Variants in FBXO11 observed in about 807,000 individuals in gnomAD.
The protein encoded by FBXO11 is F-box only protein 11.
In FBXO11, 13 loss-of-function variants were observed where a neutral mutation model predicts 117.0. That is an observed-to-expected ratio of 0.11 (90% CI 0.07 to 0.18). The LOEUF (loss-of-function observed/expected upper bound fraction) is 0.18. FBXO11 is among the 10% of genes least tolerant of loss of function. The pLI is 1.00. For synonymous variants in FBXO11, 490 were observed against 380.5 expected, an observed-to-expected ratio of 1.29 and a Z score of -3.35; for missense variants, 767 against 1,164.4, an observed-to-expected ratio of 0.66 and a Z score of 4.97.
chr2:47,838,900 T>C lies in FBXO11; in HGVS notation c.546A>G (p.Val182=). The C allele has an allele frequency of 6.2e-7, 1 of 1,614,100 alleles. No individual in the cohort carries two copies. The highest frequency in any genetic ancestry group is 1.1e-5 in the South Asian group (1 of 91,080). ...LEQDLCRAAC[V]CKRFSELAND... is the part of the protein sequence containing the mutation. The stretch of plus-strand genomic sequence containing the variant: ...TAGCAAGTTCACTGAAGCGTTTACA[T>C]ACACAAGCTGCTCTACAAAGATCCT... The change falls in exon 4 of 23, where the codon GTA becomes GTG. Residue 182 remains valine, a synonymous_variant. Coordinates refer to ENST00000403359, the MANE Select transcript of FBXO11 (RefSeq NM_001190274.2).
Position 47,890,649 on chromosome 2 carries a change from C to T in FBXO11, c.232+14840G>A, listed in dbSNP as rs555484329. Among the ~76,000 whole-genome samples the T allele has an allele frequency of 1.4e-4, 21 of 151,962 alleles. No homozygotes were observed. The South Asian group carries it at 4.4e-3, about 32-fold the overall frequency. ...CAAAACCCCATCTCTACTAAAAATA[C>T]AAAAAGTCAGCTGGACATGGTGGCA... On this transcript the variant is annotated intron_variant, in intron 1 of 22. Transcript: ENST00000403359.
intron 1 of FBXO11, among the ~76,000 whole-genome samples, chr2:47,873,266 C>T (rs547039849): frequency 2.6e-5 from 4 of 152,206 alleles, no homozygotes; most frequent in Admixed American, 6.5e-5. Flanking sequence ...GAAGGCCCTT[C>T]CCTTATCTGT....
chr2:47,831,088 T>G (rs923718097), intron 11 of FBXO11, among the ~76,000 whole-genome samples: 2 of 150,220 alleles, frequency 1.3e-5, no homozygotes, highest in Admixed American at 1.3e-4. Flanking sequence ...TGTGAGCCAC[T>G]GCACCCGGCC....
chr2:47,875,270 TTTA>T (rs1675914762), intron 1 of FBXO11, among the ~76,000 whole-genome samples: 1 of 152,180 alleles, frequency 6.6e-6, no homozygotes, highest in Admixed American at 6.5e-5. Context: ...TTTTAATTAT[TTTA>T]AATATACATA....
At chr2:47,836,212 C>T (rs1672550844) in intron 4 of FBXO11, among the ~76,000 whole-genome samples, 1 of 152,102 alleles carries the variant, frequency 6.6e-6, no homozygotes, top group Admixed American at 6.6e-5. Flanking sequence ...TCTTGGCTCA[C>T]TGCAACCTCC....
At chr2:47,829,092 G>A (rs2047681) in intron 11 of FBXO11, among the ~76,000 whole-genome samples, 132,095 of 151,948 alleles carry the variant, frequency 0.87, 57,647 homozygotes, top group East Asian at 1. Context: ...GCAGTGTTTC[G>A]CAGTGTTGGC....
intron 1 of FBXO11, among the ~76,000 whole-genome samples, chr2:47,870,243 A>AC (rs1248947912): frequency 1.3e-5 from 2 of 152,122 alleles, no homozygotes; most frequent in Non-Finnish European, 2.9e-5. Context: ...ATTGCTACTT[A>AC]CCATCTCATT....
intron 1 of FBXO11, among the ~76,000 whole-genome samples, chr2:47,874,167 T>C (rs902864161): frequency 3.9e-5 from 6 of 152,142 alleles, no homozygotes; most frequent in South Asian, 4.1e-4. Context: ...TGAGCAGAGA[T>C]TGCACCACTG....
At chr2:47,859,502 G>C (rs1465191717) in intron 1 of FBXO11, among the ~76,000 whole-genome samples, 2 of 152,216 alleles carry the variant, frequency 1.3e-5, no homozygotes, top group South Asian at 2.1e-4. Context: ...AAAGTAACAG[G>C]CTCTAGATGA....
In FBXO11 at chr2:47,807,974, G is replaced by C. The variant is rs1385919520; in HGVS notation, c.*144C>G. 9 of 728,170 alleles carry C rather than the reference G, an allele frequency of 1.2e-5. No homozygotes were observed. Among genetic ancestry groups the C allele is most frequent in the Admixed American group, 5.1e-5 (2 of 38,986 alleles). The allele number at this position is 728,170 out of a possible 1,614,324, so 45.1% of individuals were successfully genotyped here. A position where few individuals can be genotyped will look rare whatever the true frequency, so the allele number is the denominator to read the frequency against. Reference sequence around the variant, plus strand: ...TGCCACTTTCTTTTTGGTAGCTTGAGCTTCATAGTGTCAACTGACCTTGTG... The same window carrying C: ...TGCCACTTTCTTTTTGGTAGCTTGACCTTCATAGTGTCAACTGACCTTGTG... On this transcript the variant is annotated 3_prime_UTR_variant, in exon 23 of 23. Transcript: ENST00000403359.
intron 1 of FBXO11, among the ~76,000 whole-genome samples, chr2:47,843,547 G>C (rs1673173486): frequency 6.6e-6 from 1 of 151,264 alleles, no homozygotes; most frequent in African/African-American, 2.4e-5. Flanking sequence ...TCTTCATTAT[G>C]TAATTAATGG....
At position 47,855,508 on chromosome 2, in the gene FBXO11, G is replaced by C. The variant is rs77623067; in HGVS notation, c.233-15739C>G. Reference sequence around the variant, plus strand: ...GGATGGACACCATCAGTGTACATAAGAAATTTCAACAGATTTCTGGAACAC... The same window carrying C: ...GGATGGACACCATCAGTGTACATAACAAATTTCAACAGATTTCTGGAACAC... On this transcript the variant is annotated intron_variant, in intron 1 of 22. Coordinates refer to ENST00000403359, the MANE Select transcript of FBXO11 (RefSeq NM_001190274.2). Among the ~76,000 whole-genome samples the C allele has an allele frequency of 7.3e-3, 1,106 of 152,250 alleles. 11 individuals carry two copies. The highest frequency in any genetic ancestry group is 0.025 in the African/African-American group (1,056 of 41,548).
chr2:47,844,194 T>G (rs1213948335), intron 1 of FBXO11, among the ~76,000 whole-genome samples: 3 of 152,238 alleles, frequency 2.0e-5, no homozygotes, highest in African/African-American at 7.2e-5. Context: ...GTTTTACTGT[T>G]TCTTTTTCAC....
rs1463218236 is a variant in FBXO11, at chr2:47,906,417, C to T, written c.-697G>A. 3.9e-5 allele frequency among the ~76,000 whole-genome samples: 6 copies of T among 152,178 alleles called. No homozygotes were observed. The highest frequency in any genetic ancestry group is 3.3e-4 in the Admixed American group (5 of 15,290). On this transcript the variant is annotated 5_prime_UTR_variant, in exon 1 of 23. Transcript: ENST00000403359. Reference sequence around the variant, plus strand: ...CTTAAAGGAACCTTTCCTCCTCCTCCTCGTCAGCCCTGTCGCCGCTGCTTC... The same window carrying T: ...CTTAAAGGAACCTTTCCTCCTCCTCTTCGTCAGCCCTGTCGCCGCTGCTTC...
At chr2:47,808,471 A>C (rs749879099) in intron 21 of FBXO11, 44 bp from the exon 22 acceptor site, 1 of 1,484,318 alleles carries the variant, frequency 6.7e-7, no homozygotes, top group Non-Finnish European at 9.1e-7. Flanking sequence ...ACATGTCATT[A>C]ATGCAAAACA....
At position 47,806,939 on chromosome 2, in the gene FBXO11, A is replaced by AT; in HGVS notation, c.*1178dup. On this transcript the variant is annotated 3_prime_UTR_variant, in exon 23 of 23. Coordinates refer to ENST00000403359, the MANE Select transcript of FBXO11 (RefSeq NM_001190274.2). ...ACAACATTATGATCTAATAAACTTT[A>AT]TTTTTTAAAAATGACCATTTTTCCA... 1 of 1,105,906 alleles carries AT rather than the reference A, an allele frequency of 9.0e-7. No individual in the cohort carries two copies. The highest frequency in any genetic ancestry group is 1.4e-6 in the Non-Finnish European group (1 of 736,786). 68.5% of individuals were successfully genotyped at this position (1,105,906 alleles called of 1,614,324 possible).
Position 47,822,307 on chromosome 2 carries a change from T to C in FBXO11, c.1617-4A>G, listed in dbSNP as rs570549776. The C allele has an allele frequency of 5.5e-5, 86 of 1,552,850 alleles. 2 individuals are homozygous for C. In the South Asian group the frequency reaches 8.7e-4, roughly 16 times the overall value. ...TCCATTAAATATAGAATTTCCCCTATAATTATGCGAAATAAAAAAAAAGAA... is the reference window on the plus strand; with the variant it reads ...TCCATTAAATATAGAATTTCCCCTACAATTATGCGAAATAAAAAAAAAGAA... On this transcript the variant is annotated splice_region_variant and splice_polypyrimidine_tract_variant and intron_variant, in intron 12 of 22. Transcript: ENST00000403359.
In FBXO11 at chr2:47,810,408, T is replaced by C. The variant is rs748770509; in HGVS notation, c.2246A>G (p.Asp749Gly). 5 of 1,607,240 alleles carry C rather than the reference T, an allele frequency of 3.1e-6. No individual in the cohort carries two copies. The highest frequency in any genetic ancestry group is 2.2e-5 in the East Asian group (1 of 44,766). Residue 749 changes from aspartate to glycine, a missense_variant, in exon 19 of 23, where the codon GAT becomes GGT. Asp to Gly is a moderately conservative substitution (Grantham distance 94). Around this residue, in one of 10 missense-constraint regions of FBXO11, gnomAD observed 42 missense variants for 216.8 expected, o/e 0.19. Coordinates refer to ENST00000403359, the MANE Select transcript of FBXO11 (RefSeq NM_001190274.2). ...NGGRGLLEEN[D>G]IFRNAQAGVL... ...ACCTGCTTGAGCATTCCTGAAAATA[T>C]CATTTTCTTCAAGGAGACCTATAAT...
intron 17 of FBXO11, 138 bp from the exon 18 acceptor site, chr2:47,813,515 T>C: frequency 1.7e-6 from 1 of 586,226 alleles, no homozygotes; most frequent in Admixed American, 4.2e-5. Flanking sequence ...CACTGCAACC[T>C]CCACCTCCCG....
Sources: allele counts gnomAD v4.1 joint callset (sites outside exome capture counted in the v4.1 genomes callset), GRCh38; gene constraint gnomAD v4.1.1; regional missense constraint gnomAD v4.1.1; transcripts MANE v1.5; gene names NCBI Gene and HGNC (gene_info 2026-07-23, HGNC 2026-07-21).